INPP4B: variants seen among roughly 807,000 people sequenced by gnomAD.
The protein encoded by INPP4B is inositol polyphosphate-4-phosphatase type II B.
Under a neutral mutation model 122.5 loss-of-function variants are expected in INPP4B, and 55 were observed. The ratio of observed to expected loss-of-function variants is 0.45; its 90% CI spans 0.36 to 0.56. The LOEUF (loss-of-function observed/expected upper bound fraction) is 0.56. INPP4B is among the 20% of genes least tolerant of loss of function. The pLI, the probability that INPP4B is intolerant of heterozygous loss-of-function variation, is 0.00. For synonymous variants in INPP4B, 403 were observed against 388.7 expected (o/e 1.04, Z -0.43); for missense variants, 1,000 against 1,097.7 (o/e 0.91, Z 1.26).
intron 2 of INPP4B, among the ~76,000 whole-genome samples, chr4:142,709,737 G>A (rs575877520): frequency 8.7e-4 from 133 of 152,176 alleles, no homozygotes; most frequent in Middle Eastern, 3.4e-3. Flanking sequence ...GTTCTTTATA[G>A]CAATGCAAGA....
chr4:142,655,755 C>T (rs1754011309), intron 2 of INPP4B, among the ~76,000 whole-genome samples: 1 of 152,070 alleles, frequency 6.6e-6, no homozygotes. Context: ...TACATTATTC[C>T]TTTTAAAGTC....
intron 2 of INPP4B, among the ~76,000 whole-genome samples, chr4:142,512,605 C>T (rs1173713997): frequency 6.6e-6 from 1 of 151,970 alleles, no homozygotes; most frequent in Non-Finnish European, 1.5e-5. Flanking sequence ...TTCTTATATC[C>T]CCACCTCCCC....
intron 2 of INPP4B, among the ~76,000 whole-genome samples, chr4:142,685,957 G>A (rs972750856): frequency 8.6e-5 from 13 of 151,994 alleles, no homozygotes; most frequent in Admixed American, 3.9e-4. Context: ...GAGTTTTGAC[G>A]TTTACAGCAA....
chr4:142,150,209 C>G (rs1813065791), intron 17 of INPP4B, among the ~76,000 whole-genome samples: 1 of 152,158 alleles, frequency 6.6e-6, no homozygotes, highest in Non-Finnish European at 1.5e-5. Flanking sequence ...CTACTAAAAT[C>G]ACACAATTAG....
At chr4:142,337,057 A>G (rs1375101805) in intron 7 of INPP4B, among the ~76,000 whole-genome samples, 1 of 152,070 alleles carries the variant, frequency 6.6e-6, no homozygotes, top group Non-Finnish European at 1.5e-5. Flanking sequence ...TTTCAACTTT[A>G]TGTAAAATAC....
Position 142,208,448 on chromosome 4 carries a change from T to C in INPP4B, c.1049A>G (p.Gln350Arg), listed in dbSNP as rs1480476357. Residue 350 changes from glutamine to arginine, a missense_variant, in exon 14 of 26, where the codon CAG becomes CGG. By Grantham distance (43) the Gln-to-Arg change is conservative (BLOSUM62 1). Transcript: ENST00000262992. ...VPINLHLQRM[Q>R]VHSPHLKDAL... ...ACCTTTCAAGTGAGGGCTGTGTACCTGCATTCTTTGCAGATGTAGATTTAT... is the reference window on the plus strand; with the variant it reads ...ACCTTTCAAGTGAGGGCTGTGTACCCGCATTCTTTGCAGATGTAGATTTAT... 3 of 1,589,266 alleles carry C rather than the reference T, an allele frequency of 1.9e-6. No individual in the cohort carries two copies. The highest frequency in any genetic ancestry group is 1.7e-5 in the Admixed American group (1 of 58,094).
chr4:142,254,006 C>G (rs1734085527), intron 11 of INPP4B, among the ~76,000 whole-genome samples: 1 of 149,754 alleles, frequency 6.7e-6, no homozygotes, highest in Non-Finnish European at 1.5e-5. Flanking sequence ...AGCTAGAGAT[C>G]TGAGAACGGG....
intron 25 of INPP4B, among the ~76,000 whole-genome samples, chr4:142,063,852 A>G (rs1762221542): frequency 6.6e-6 from 1 of 152,196 alleles, no homozygotes; most frequent in African/African-American, 2.4e-5. Flanking sequence ...GCATACTGCA[A>G]AGAAATGTGA....
intron 15 of INPP4B, among the ~76,000 whole-genome samples, chr4:142,179,478 A>G (rs955550967): frequency 3.3e-5 from 5 of 151,544 alleles, no homozygotes; most frequent in Non-Finnish European, 5.9e-5. Context: ...ATCTCAAAAA[A>G]AAAAAAAAAA....
At chr4:142,844,043 G>A (rs535548049) in intron 1 of INPP4B, among the ~76,000 whole-genome samples, 1 of 152,130 alleles carries the variant, frequency 6.6e-6, no homozygotes, top group Non-Finnish European at 1.5e-5. Flanking sequence ...GTCTATGATA[G>A]TAGAGCGATT....
intron 16 of INPP4B, among the ~76,000 whole-genome samples, chr4:142,161,856 G>A (rs1208004648): frequency 6.6e-6 from 1 of 151,862 alleles, no homozygotes; most frequent in Admixed American, 6.6e-5. Flanking sequence ...AGAAAGAAGT[G>A]TGGTGATATG....
intron 1 of INPP4B, among the ~76,000 whole-genome samples, chr4:142,771,814 AT>A (rs1251768298): frequency 6.6e-6 from 1 of 152,164 alleles, no homozygotes; most frequent in East Asian, 1.9e-4. Context: ...TCAGTTTTTA[AT>A]GTAATTTTTT....
intron 18 of INPP4B, among the ~76,000 whole-genome samples, chr4:142,144,642 A>G (rs1200375304): frequency 6.6e-6 from 1 of 152,150 alleles, no homozygotes; most frequent in East Asian, 1.9e-4. Context: ...ATACAGTTAG[A>G]TCAAGTAAGT....
At chr4:142,062,214 T>C (rs7698659) in intron 25 of INPP4B, among the ~76,000 whole-genome samples, 142,897 of 152,046 alleles carry the variant, frequency 0.94, 67,804 homozygotes, top group East Asian at 1. Flanking sequence ...GAACATCCTA[T>C]GGCATCCAGT....
chr4:142,354,225 C>T (rs1037541069), intron 7 of INPP4B, among the ~76,000 whole-genome samples: 4 of 151,932 alleles, frequency 2.6e-5, no homozygotes, highest in Admixed American at 2.6e-4. Context: ...CTTCTCAGAG[C>T]CTTGGGACAT....
At chr4:142,759,814 A>C (rs1346091707) in intron 1 of INPP4B, among the ~76,000 whole-genome samples, 4 of 128,804 alleles carry the variant, frequency 3.1e-5, no homozygotes, top group African/African-American at 1.2e-4. Flanking sequence ...GAGCTTATAT[A>C]GAGCTTTTTC....
At chr4:142,737,551 G>T (rs1410071099) in intron 1 of INPP4B, among the ~76,000 whole-genome samples, 1 of 152,084 alleles carries the variant, frequency 6.6e-6, no homozygotes, top group Admixed American at 6.5e-5. Flanking sequence ...CATAGGCATG[G>T]GCAAGGACTT....
At chr4:142,650,466 A>C (rs978142923) in intron 2 of INPP4B, among the ~76,000 whole-genome samples, 5 of 152,154 alleles carry the variant, frequency 3.3e-5, no homozygotes, top group African/African-American at 9.7e-5. Context: ...TGTATTCAGG[A>C]GACCCATCTC....
intron 11 of INPP4B, among the ~76,000 whole-genome samples, chr4:142,251,736 G>A (rs1340543217): frequency 3.9e-5 from 6 of 152,156 alleles, no homozygotes; most frequent in African/African-American, 1.4e-4. Context: ...GTTTATCTGT[G>A]TGTATAAACA....
Sources: allele counts gnomAD v4.1 joint callset (sites outside exome capture counted in the v4.1 genomes callset), GRCh38; gene constraint gnomAD v4.1.1; transcripts MANE v1.5; gene names NCBI Gene and HGNC (gene_info 2026-07-23, HGNC 2026-07-21).